Variants in DRAM1 observed in about 807,000 individuals in gnomAD.
DRAM1 encodes DNA damage regulated autophagy modulator 1.
In DRAM1, 25 loss-of-function variants were observed where a neutral mutation model predicts 28.5. The observed-to-expected ratio is 0.88, with a 90% CI of 0.64 to 1.23. The LOEUF (loss-of-function observed/expected upper bound fraction) is 1.23. Ranked by LOEUF, DRAM1 falls within the 50% of genes most tolerant of loss-of-function variation. DRAM1 has a pLI of 0.00. For missense variants in DRAM1, 249 were observed against 299.2 expected, an observed-to-expected ratio of 0.83 and a Z score of 1.24; for synonymous variants, 113 against 114.2, an observed-to-expected ratio of 0.99 and a Z score of 0.07.
At position 101,877,856 on chromosome 12, in the gene DRAM1, T is replaced by G; in HGVS notation, c.67T>G (p.Phe23Val). The change falls in exon 1 of 7, where the codon TTC becomes GTC. Residue 23 changes from phenylalanine to valine, a missense_variant. This residue lies in a region of DRAM1 where 218 missense variants were observed against 243.1 expected (regional missense o/e 0.90). Coordinates refer to ENST00000258534, the MANE Select transcript of DRAM1 (RefSeq NM_018370.3). The surrounding 1 kb of genome is among the most constrained non-coding windows in gnomAD (Gnocchi z 4.1). ...CTTGGTGACCTGGTCGTCAGCCGCC[T>G]TCATTATCTCCTACGTGGTCGCCGT... ...FLLVTWSSAA[F>V]IISYVVAVLS... The G allele has an allele frequency of 6.5e-7, 1 of 1,547,566 alleles. No individual in the cohort carries two copies. Among genetic ancestry groups the G allele is most frequent in the Non-Finnish European group, 8.7e-7 (1 of 1,144,834 alleles).
intron 2 of DRAM1, among the ~76,000 whole-genome samples, 200 bp from the exon 3 acceptor site, chr12:101,901,091 G>A (rs1265919048): frequency 1.5e-5 from 1 of 68,132 alleles, no homozygotes; most frequent in Non-Finnish European, 3.2e-5. Flanking sequence ...GTGTGTGTGT[G>A]TGTGTGTGTG....
At chr12:101,910,198 C>T (rs116821717) in intron 4 of DRAM1, among the ~76,000 whole-genome samples, 2,104 of 152,112 alleles carry the variant, frequency 0.014, 36 homozygotes, top group African/African-American at 0.048. Flanking sequence ...AAATATATAC[C>T]CTTGTTCCTA....
At chr12:101,920,959 A>G (rs1874459929) in intron 6 of DRAM1, among the ~76,000 whole-genome samples, 2 of 152,218 alleles carry the variant, frequency 1.3e-5, no homozygotes, top group Admixed American at 1.3e-4. Context: ...TGTGTTGTTC[A>G]AAAAACATTC....
chr12:101,881,524 C>T (rs533044172), intron 1 of DRAM1, among the ~76,000 whole-genome samples: 71 of 152,232 alleles, frequency 4.7e-4, no homozygotes, highest in African/African-American at 1.6e-3. Context: ...TCACCTCCTC[C>T]TCTCCTCTAC....
intron 3 of DRAM1, among the ~76,000 whole-genome samples, chr12:101,904,092 T>G (rs1040853529): frequency 1.3e-5 from 2 of 152,078 alleles, no homozygotes; most frequent in Non-Finnish European, 2.9e-5. Flanking sequence ...GTTCAAGCAA[T>G]TATCCCTGCT....
intron 1 of DRAM1, among the ~76,000 whole-genome samples, chr12:101,887,823 G>A (rs973972606): frequency 2.0e-5 from 3 of 152,126 alleles, no homozygotes; most frequent in Non-Finnish European, 4.4e-5. Flanking sequence ...ACAGGCATGA[G>A]CCACTGTGCC....
intron 3 of DRAM1, among the ~76,000 whole-genome samples, chr12:101,904,463 A>T: frequency 2.4e-5 from 1 of 41,828 alleles, no homozygotes. Flanking sequence ...TTTTTTTGAG[A>T]CAGAGTCTTG....
intron 3 of DRAM1, among the ~76,000 whole-genome samples, chr12:101,902,994 C>T (rs886088010): frequency 6.6e-6 from 1 of 151,416 alleles, no homozygotes; most frequent in East Asian, 1.9e-4. Context: ...GATCTCGGTT[C>T]ACTGCAACCT....
intron 1 of DRAM1, among the ~76,000 whole-genome samples, chr12:101,882,303 G>A (rs2121006107): frequency 6.6e-6 from 1 of 150,708 alleles, no homozygotes; most frequent in South Asian, 2.3e-4. Context: ...GTAGAGACGG[G>A]GTTTCACCAT....
At chr12:101,880,091 A>T (rs933565320) in intron 1 of DRAM1, among the ~76,000 whole-genome samples, 9 of 151,804 alleles carry the variant, frequency 5.9e-5, no homozygotes, top group African/African-American at 2.2e-4. Flanking sequence ...TCTGTTGCCC[A>T]GTCTGTGGTG....
intron 1 of DRAM1, among the ~76,000 whole-genome samples, chr12:101,893,485 A>G (rs1333278214): frequency 6.6e-6 from 1 of 152,150 alleles, no homozygotes; most frequent in Non-Finnish European, 1.5e-5. Flanking sequence ...CCCGCCCCCA[A>G]TCATTCTCCT....
At chr12:101,890,693 A>T (rs980268806) in intron 1 of DRAM1, among the ~76,000 whole-genome samples, 17 of 152,020 alleles carry the variant, frequency 1.1e-4, no homozygotes, top group Non-Finnish European at 4.4e-5. Context: ...GTCAGTAGGA[A>T]ATTCTTTTTA....
intron 1 of DRAM1, among the ~76,000 whole-genome samples, chr12:101,886,462 GC>G (rs1872891256): frequency 6.6e-6 from 1 of 152,202 alleles, no homozygotes; most frequent in Admixed American, 6.6e-5. Context: ...TTATCAAGGG[GC>G]CAGTCCACAT....
intron 5 of DRAM1, 126 bp from the exon 6 acceptor site, chr12:101,919,983 C>T: frequency 1.8e-6 from 1 of 548,982 alleles, no homozygotes; most frequent in Non-Finnish European, 3.0e-6. Flanking sequence ...ACCGTATATC[C>T]TCAAAGTTCT....
rs1874423728 is a variant in DRAM1 at position 101,920,165 on chromosome 12, T to G, written c.636T>G (p.Phe212Leu). The change falls in exon 6 of 7, where the codon TTT (phenylalanine) becomes TTG (leucine). Residue 212 changes from phenylalanine to leucine, a missense_variant. This residue lies in a region of DRAM1 where 15 missense variants were observed against 39.9 expected (regional missense o/e 0.38). Transcript: ENST00000258534. ...AICEWTVAFGFIFYFLTFIQD... is the reference protein window; with the variant it reads ...AICEWTVAFGLIFYFLTFIQD... ...GTGAATGGACAGTGGCCTTTGGTTT[T>G]ATTTTCTACTTCCTAACTTTCATCC... 1 of 1,612,248 alleles carries G rather than the reference T, an allele frequency of 6.2e-7. No homozygotes were observed. The highest frequency in any genetic ancestry group is 1.1e-5 in the South Asian group (1 of 90,458).
chr12:101,914,736 CA>C (rs2121159256), intron 5 of DRAM1, among the ~76,000 whole-genome samples: 1 of 152,224 alleles, frequency 6.6e-6, no homozygotes, highest in African/African-American at 2.4e-5. Flanking sequence ...CAGCTCACTG[CA>C]ACCTTTGCCT....
intron 1 of DRAM1, among the ~76,000 whole-genome samples, chr12:101,897,521 T>C (rs1873428710): frequency 8.9e-6 from 1 of 111,894 alleles, no homozygotes; most frequent in Non-Finnish European, 1.9e-5. Flanking sequence ...TTTTAGATCT[T>C]TTTTTTTTGT....
At chr12:101,915,426 T>C (rs559041465) in intron 5 of DRAM1, among the ~76,000 whole-genome samples, 1 of 152,286 alleles carries the variant, frequency 6.6e-6, no homozygotes, top group East Asian at 1.9e-4. Context: ...GGATAGTTCA[T>C]TTCAGGATAG....
At chr12:101,918,104 TA>T (rs147780994) in intron 5 of DRAM1, among the ~76,000 whole-genome samples, 9,114 of 152,302 alleles carry the variant, frequency 0.06, 918 homozygotes, top group African/African-American at 0.21. Context: ...TCAAAGGATG[TA>T]AAAAAATTTC....
Sources: gnomAD v4.1 joint callset for allele counts (sites outside exome capture counted in the v4.1 genomes callset) on GRCh38, gnomAD v4.1.1 for gene constraint, gnomAD v4.1.1 regional missense constraint, Gnocchi (gnomAD v3.1) non-coding constraint, MANE v1.5 for transcripts, NCBI Gene and HGNC (gene_info 2026-07-23, HGNC 2026-07-21) for gene names.